The following EIF4G3 variants were observed in gnomAD, a reference collection of about 807,000 sequenced individuals.
EIF4G3 encodes the protein eIF-4-gamma 3.
A neutral mutation model predicts 186.4 loss-of-function variants in EIF4G3; 34 were observed. The observed-to-expected ratio is 0.18, with a 90% confidence interval of 0.14 to 0.24. The LOEUF is 0.24. Ranked by LOEUF, EIF4G3 falls within the 10% of genes least tolerant of loss-of-function variation. The probability of loss-of-function intolerance (pLI) is 1.00; values close to 1 mark genes in which losing one functional copy is unlikely to be tolerated. For synonymous variants in EIF4G3, 673 were observed against 679.5 expected (o/e 0.99, Z 0.15); for missense variants, 1,536 against 1,948.5 (o/e 0.79, Z 3.99).
Position 20,942,335 on chromosome 1 carries a change from G to T in EIF4G3, c.824-5C>A, listed in dbSNP as rs2095748807. ...GATCTGGTTTTGGCTTCTCCTCTGG[G>T]GAAAAAAAAATAAGTTTTAAGAATA... On this transcript the variant is annotated splice_polypyrimidine_tract_variant and splice_region_variant and intron_variant, in intron 13 of 36. Coordinates refer to ENST00000602326, the MANE Select transcript of EIF4G3 (RefSeq NM_001391906.1). 2 of 1,542,176 alleles carry T rather than the reference G, an allele frequency of 1.3e-6. No individual in the cohort carries two copies. The highest frequency in any genetic ancestry group is 4.4e-5 in the Admixed American group (2 of 45,320).
At chr1:20,917,576 G>T (rs759487931) in intron 14 of EIF4G3, among the ~76,000 whole-genome samples, 1 of 152,144 alleles carries the variant, frequency 6.6e-6, no homozygotes, top group African/African-American at 2.4e-5. Context: ...AAACTAATCT[G>T]TAGTGACAAA....
chr1:20,945,318 G>A (rs1040281780), intron 13 of EIF4G3, among the ~76,000 whole-genome samples: 1 of 151,972 alleles, frequency 6.6e-6, no homozygotes, highest in Non-Finnish European at 1.5e-5. Flanking sequence ...AAGAAAAAAG[G>A]AGAAAAAAGG....
chr1:21,088,964 C>CT (rs2096085818), intron 3 of EIF4G3, among the ~76,000 whole-genome samples, 174 bp downstream of exon 3: 1 of 152,174 alleles, frequency 6.6e-6, no homozygotes, highest in Non-Finnish European at 1.5e-5. Flanking sequence ...ATTTGTTTCA[C>CT]TCCATTTCTT....
chr1:20,907,077 C>T (rs12723255), intron 14 of EIF4G3, among the ~76,000 whole-genome samples: 89,341 of 151,966 alleles, frequency 0.59, 26,586 homozygotes, highest in East Asian at 0.83. Flanking sequence ...GTCTTAGATT[C>T]GTTCTTTACT....
chr1:21,042,797 G>C (rs926867627), intron 4 of EIF4G3, among the ~76,000 whole-genome samples: 1 of 152,062 alleles, frequency 6.6e-6, no homozygotes, highest in South Asian at 2.1e-4. Context: ...ATTTTTGCAG[G>C]AACTATCACA....
intron 7 of EIF4G3, among the ~76,000 whole-genome samples, chr1:20,988,909 T>C (rs1239312811): frequency 2.7e-5 from 4 of 150,936 alleles, no homozygotes; most frequent in Admixed American, 2.0e-4. Context: ...GCTGATGCCA[T>C]TAAGAATATT....
intron 4 of EIF4G3, among the ~76,000 whole-genome samples, chr1:21,046,491 C>T (rs150138161): frequency 9.1e-4 from 138 of 152,340 alleles, no homozygotes; most frequent in African/African-American, 3.2e-3. Flanking sequence ...CCCTCTTTCA[C>T]GTTTCAAAGT....
intron 4 of EIF4G3, among the ~76,000 whole-genome samples, chr1:21,006,262 T>G (rs529477809): frequency 1.3e-5 from 2 of 152,340 alleles, no homozygotes; most frequent in Non-Finnish European, 2.9e-5. Context: ...CATGCTTTGT[T>G]GAAAAACAAT....
intron 4 of EIF4G3, among the ~76,000 whole-genome samples, chr1:21,038,275 C>A (rs540449545): frequency 6.6e-6 from 1 of 152,282 alleles, no homozygotes; most frequent in South Asian, 2.1e-4. Context: ...ATCCCAGGAC[C>A]AGTTCCCCCA....
intron 3 of EIF4G3, among the ~76,000 whole-genome samples, chr1:21,060,640 A>G (rs748637290): frequency 6.6e-6 from 1 of 152,158 alleles, no homozygotes; most frequent in Non-Finnish European, 1.5e-5. Flanking sequence ...GCCAGGCCAC[A>G]GTGGCTCACA....
At chr1:20,842,468 A>G (rs974698105) in intron 29 of EIF4G3, among the ~76,000 whole-genome samples, 2 of 152,162 alleles carry the variant, frequency 1.3e-5, no homozygotes, top group African/African-American at 4.8e-5. Context: ...CCCAGGTTCA[A>G]GAGATTCTCC....
At chr1:20,969,629 A>G (rs1268497049) in intron 11 of EIF4G3, 33 bp from the exon 12 acceptor site, 2 of 1,605,124 alleles carry the variant, frequency 1.2e-6, no homozygotes, top group Non-Finnish European at 1.7e-6. Context: ...ATATGTACAG[A>G]TGAGTGTCTG....
chr1:20,916,189 T>C (rs1473725171), intron 14 of EIF4G3, among the ~76,000 whole-genome samples: 1 of 152,058 alleles, frequency 6.6e-6, no homozygotes, highest in Non-Finnish European at 1.5e-5. Flanking sequence ...TAAAGAATAC[T>C]TTAAAAAATG....
intron 2 of EIF4G3, among the ~76,000 whole-genome samples, chr1:21,119,867 TAC>T (rs1421580978): frequency 6.6e-6 from 1 of 152,158 alleles, no homozygotes; most frequent in Non-Finnish European, 1.5e-5. Context: ...AGAAATTTTC[TAC>T]ACATACACAT....
At chr1:20,975,008 T>C (rs1267090065) in intron 10 of EIF4G3, among the ~76,000 whole-genome samples, 1 of 152,180 alleles carries the variant, frequency 6.6e-6, no homozygotes, top group Non-Finnish European at 1.5e-5. Flanking sequence ...ATAACACTTT[T>C]CAAGTGTAAA....
chr1:20,963,931 C>CA (rs35997561), intron 12 of EIF4G3, among the ~76,000 whole-genome samples: 61,603 of 122,370 alleles, frequency 0.5, 14,675 homozygotes, highest in Non-Finnish European at 0.54. Flanking sequence ...GACTCCATCT[C>CA]AAAAAAAAAA....
At chr1:20,941,185 A>T (rs758442461) in intron 14 of EIF4G3, 1 of 1,482,096 alleles carries the variant, frequency 6.7e-7, no homozygotes, top group Non-Finnish European at 9.0e-7. Flanking sequence ...TTAAGCATTG[A>T]GAAACCAATT....
In EIF4G3 at chr1:21,175,219, T is replaced by C. The variant is rs527682867; in HGVS notation, c.-272+956A>G. ...CTCAGGTACGCAATACCTTTCTAAATCTCCGTGGAATACATGAATTCAACG... is the reference window on the plus strand; with the variant it reads ...CTCAGGTACGCAATACCTTTCTAAACCTCCGTGGAATACATGAATTCAACG... On this transcript the variant is annotated intron_variant, in intron 2 of 36. Coordinates refer to ENST00000602326, the MANE Select transcript of EIF4G3 (RefSeq NM_001391906.1). The C allele has an allele frequency of 5.3e-5, 8 of 152,312 alleles. No homozygotes were observed. In the East Asian group the frequency reaches 9.6e-4, roughly 18 times the overall value. The allele number at this position is 152,312 out of a possible 1,614,324, so 9.4% of individuals were successfully genotyped here.
intron 16 of EIF4G3, among the ~76,000 whole-genome samples, chr1:20,897,945 T>G (rs2088890557): frequency 2.0e-5 from 3 of 151,968 alleles, no homozygotes; most frequent in Admixed American, 2.0e-4. Flanking sequence ...AATAAATTAA[T>G]ATAAAAATAT....
Sources: gnomAD v4.1 joint callset for allele counts (sites outside exome capture counted in the v4.1 genomes callset) on GRCh38, gnomAD v4.1.1 for gene constraint, MANE v1.5 for transcripts, NCBI Gene and HGNC (gene_info 2026-07-23, HGNC 2026-07-21) for gene names.